The following LRP1B variants were observed in gnomAD, a reference collection of about 807,000 sequenced individuals.
The protein encoded by LRP1B is LDL receptor related protein 1B.
Under a neutral mutation model 556.6 loss-of-function variants are expected in LRP1B, and 217 were observed. The ratio of observed to expected loss-of-function variants is 0.39; its 90% CI spans 0.35 to 0.44. The LOEUF is 0.44. LRP1B is among the 20% of genes least tolerant of loss of function. The pLI is 1.00. For missense variants in LRP1B, 5,053 were observed against 5,620.8 expected, an observed-to-expected ratio of 0.90 and a Z score of 3.23; for synonymous variants, 2,047 against 1,865.8, an observed-to-expected ratio of 1.10 and a Z score of -2.50.
rs546525625 is a variant in LRP1B at position 140,428,492 on chromosome 2, C to T, written c.10414+14012G>A. On this transcript the variant is annotated intron_variant, in intron 66 of 90. Coordinates refer to ENST00000389484, the MANE Select transcript of LRP1B (RefSeq NM_018557.3). ...CCTCCTAAGCCGCTTCCCATCTGTG[C>T]GGGACCCCACTGAAAATCGGACTGT... Among the ~76,000 whole-genome samples the T allele has an allele frequency of 3.9e-5, 6 of 152,270 alleles. No homozygotes were observed. In the East Asian group the frequency reaches 5.8e-4, roughly 15 times the overall value.
At chr2:141,027,965 TGAGA>T (rs1217706439) in intron 11 of LRP1B, among the ~76,000 whole-genome samples, 2 of 152,070 alleles carry the variant, frequency 1.3e-5, no homozygotes, top group African/African-American at 4.8e-5. Context: ...GCTCCAGAAT[TGAGA>T]GAAACAAATT....
At chr2:140,419,488 G>C (rs1212524448) in intron 66 of LRP1B, among the ~76,000 whole-genome samples, 1 of 152,060 alleles carries the variant, frequency 6.6e-6, no homozygotes, top group Non-Finnish European at 1.5e-5. Flanking sequence ...GTCCACCCAA[G>C]AACATCATAA....
At chr2:141,442,892 A>G (rs1010277183) in intron 3 of LRP1B, among the ~76,000 whole-genome samples, 7 of 152,244 alleles carry the variant, frequency 4.6e-5, no homozygotes, top group Admixed American at 2.0e-4. Context: ...ATAAACATAT[A>G]TATGCATGTG....
chr2:141,046,115 G>C (rs1312240245), intron 11 of LRP1B, among the ~76,000 whole-genome samples: 1 of 152,086 alleles, frequency 6.6e-6, no homozygotes, highest in Non-Finnish European at 1.5e-5. Context: ...TTTTGGAAAT[G>C]TTGTTGTTTT....
At chr2:141,409,500 C>T (rs1690769612) in intron 3 of LRP1B, among the ~76,000 whole-genome samples, 1 of 152,096 alleles carries the variant, frequency 6.6e-6, no homozygotes, top group Non-Finnish European at 1.5e-5. Flanking sequence ...CTTCTCCTCT[C>T]CTTCCACAGA....
chr2:141,004,766 G>A (rs1328091588), intron 15 of LRP1B, among the ~76,000 whole-genome samples: 1 of 151,990 alleles, frequency 6.6e-6, no homozygotes, highest in Non-Finnish European at 1.5e-5. Context: ...GCACCACATG[G>A]GGTAGAAGGA....
At chr2:140,710,391 G>A (rs555867148) in intron 37 of LRP1B, among the ~76,000 whole-genome samples, 12 of 152,088 alleles carry the variant, frequency 7.9e-5, no homozygotes, top group African/African-American at 2.6e-4. Flanking sequence ...GAGGTAGGAG[G>A]ACATGTTAAG....
At chr2:141,801,906 A>G (rs1696019727) in intron 2 of LRP1B, among the ~76,000 whole-genome samples, 1 of 152,130 alleles carries the variant, frequency 6.6e-6, no homozygotes, top group Non-Finnish European at 1.5e-5. Context: ...GATATATAGT[A>G]AGATGTGGAA....
intron 29 of LRP1B, among the ~76,000 whole-genome samples, chr2:140,842,604 ATCT>A (rs1692143834): frequency 6.7e-6 from 1 of 150,166 alleles, no homozygotes; most frequent in South Asian, 2.1e-4. Flanking sequence ...AACCAATTTC[ATCT>A]TTTTTTTTTT....
intron 1 of LRP1B, among the ~76,000 whole-genome samples, chr2:142,030,628 A>G (rs960986526): frequency 6.6e-6 from 1 of 151,910 alleles, no homozygotes; most frequent in African/African-American, 2.4e-5. Flanking sequence ...CACATATTAA[A>G]ACCAGGGGCC....
intron 84 of LRP1B, among the ~76,000 whole-genome samples, chr2:140,279,321 G>A (rs1311422309): frequency 6.6e-6 from 1 of 151,952 alleles, no homozygotes; most frequent in African/African-American, 2.4e-5. Flanking sequence ...TGCAAGTCCA[G>A]GAAAGAGTTT....
At chr2:141,261,333 C>T (rs909710646) in intron 3 of LRP1B, among the ~76,000 whole-genome samples, 4 of 152,124 alleles carry the variant, frequency 2.6e-5, no homozygotes, top group African/African-American at 9.7e-5. Context: ...TTTTTTATTG[C>T]ATTTTTTTCT....
intron 43 of LRP1B, among the ~76,000 whole-genome samples, chr2:140,570,537 T>C (rs892528136): frequency 4.0e-5 from 6 of 151,702 alleles, no homozygotes; most frequent in African/African-American, 9.7e-5. Flanking sequence ...TCATAAATGG[T>C]CTCCCATCAG....
chr2:140,305,189 G>T (rs894762686), intron 83 of LRP1B, among the ~76,000 whole-genome samples: 5 of 152,132 alleles, frequency 3.3e-5, no homozygotes, highest in Non-Finnish European at 7.3e-5. Flanking sequence ...CCAATTCTGT[G>T]AAGAAAGTCA....
At chr2:140,518,559 AG>A (rs1558938259) in intron 49 of LRP1B, among the ~76,000 whole-genome samples, 1 of 152,176 alleles carries the variant, frequency 6.6e-6, no homozygotes, top group African/African-American at 2.4e-5. Flanking sequence ...ACTGAGGTAA[AG>A]AATGTGTTGT....
intron 7 of LRP1B, among the ~76,000 whole-genome samples, chr2:141,122,963 G>A (rs574717351): frequency 6.6e-6 from 1 of 152,168 alleles, no homozygotes; most frequent in South Asian, 2.1e-4. Context: ...CATGGATGAA[G>A]CTGGAAACCA....
intron 56 of LRP1B, among the ~76,000 whole-genome samples, chr2:140,492,989 C>T (rs1356125663): frequency 2.0e-5 from 3 of 152,158 alleles, no homozygotes. Flanking sequence ...CTGTTACAAT[C>T]TGATTGTCTG....
In LRP1B at chr2:141,310,743, G is replaced by A. The variant is rs145496326; in HGVS notation, c.344-56102C>T. Among the ~76,000 whole-genome samples the A allele has an allele frequency of 4.1e-3, 626 of 152,112 alleles. 3 individuals carry two copies. The highest frequency in any genetic ancestry group is 0.014 in the African/African-American group (595 of 41,504). On this transcript the variant is annotated intron_variant, in intron 3 of 90. Coordinates refer to ENST00000389484, the MANE Select transcript of LRP1B (RefSeq NM_018557.3). ...TAAAGTGGCTTAAATAAAATAAGAC[G>A]ATGCAAATTAGAAAGAGATATATCA...
At chr2:141,135,778 G>A (rs1701477220) in intron 7 of LRP1B, among the ~76,000 whole-genome samples, 1 of 151,846 alleles carries the variant, frequency 6.6e-6, no homozygotes, top group Non-Finnish European at 1.5e-5. Context: ...TATACATGTG[G>A]TTCAGTTACA....
Sources: gnomAD v4.1 joint callset for allele counts (sites outside exome capture counted in the v4.1 genomes callset) on GRCh38, gnomAD v4.1.1 for gene constraint, MANE v1.5 for transcripts, NCBI Gene and HGNC (gene_info 2026-07-23, HGNC 2026-07-21) for gene names.